The following IL34 variants were observed in gnomAD, a reference collection of about 807,000 sequenced individuals.
The protein encoded by IL34 is interleukin-34.
In IL34, 17 loss-of-function variants were observed where a neutral mutation model predicts 25.3. That is an observed-to-expected ratio of 0.67 (90% CI 0.46 to 1.01). The LOEUF is 1.01. Among genes scored for constraint, IL34 ranks in the 50% least tolerant of loss-of-function variants. IL34 has a pLI of 0.00. For synonymous variants in IL34, 174 were observed against 140.9 expected, an observed-to-expected ratio of 1.23 and a Z score of -1.66; for missense variants, 368 against 312.9, an observed-to-expected ratio of 1.18 and a Z score of -1.33.
chr16:70,640,961 G>A (rs950256113), intron 1 of IL34, among the ~76,000 whole-genome samples: 4 of 152,058 alleles, frequency 2.6e-5, no homozygotes, highest in African/African-American at 9.7e-5. Flanking sequence ...TATACTCCTA[G>A]GTATATACTC....
intron 1 of IL34, among the ~76,000 whole-genome samples, chr16:70,649,669 G>C (rs1270995484): frequency 6.6e-6 from 1 of 152,166 alleles, no homozygotes; most frequent in East Asian, 1.9e-4. Flanking sequence ...CCCGGGGCTG[G>C]GGGTGACAAG....
chr16:70,585,116 C>T (rs1261987151), intron 1 of IL34, among the ~76,000 whole-genome samples: 1 of 152,184 alleles, frequency 6.6e-6, no homozygotes, highest in African/African-American at 2.4e-5. Flanking sequence ...TCCCCATTTC[C>T]CTACCCCCAA....
chr16:70,605,968 G>GTT lies in IL34; in HGVS notation c.-401+25919_-401+25920insTT, dbSNP rs1483071432. ...ATTACAGGCGTGAGCCACCGCACCT[G>GTT]GTTTTTTTTTTTTTTTTTTTTTTTA... On this transcript the variant is annotated intron_variant, in intron 1 of 6. Transcript: ENST00000429149. Among the ~76,000 whole-genome samples the GTT allele has an allele frequency of 5.2e-3, 644 of 123,650 alleles. 4 individuals carry two copies. The highest frequency in any genetic ancestry group is 0.019 in the African/African-American group (553 of 28,670). 81.1% of individuals were successfully genotyped at this position (123,650 alleles called of 152,430 possible).
chr16:70,643,361 G>A (rs1245226200), upstream of IL34, among the ~76,000 whole-genome samples: 4 of 151,734 alleles, frequency 2.6e-5, no homozygotes, highest in East Asian at 1.9e-4. Context: ...ACTGCACCTG[G>A]CTGTTGCACA....
rs2052236109 is a variant in IL34 at position 70,656,812 on chromosome 16, G to A, written c.240+133G>A. On this transcript the variant is annotated intron_variant, in intron 3 of 5. Transcript: ENST00000288098. ...CTCTCCTCAGCCCCGAGAGCAGGCT[G>A]GCCCTTGGCCCAGGCACATGTTTGT... The A allele has an allele frequency of 2.9e-6, 3 of 1,030,994 alleles. No individual in the cohort carries two copies. In the African/African-American group the frequency reaches 4.7e-5, roughly 16 times the overall value. The allele number at this position is 1,030,994 out of a possible 1,614,324, so 63.9% of individuals were successfully genotyped here.
chr16:70,581,711 A>T (rs1208775448), intron 1 of IL34, among the ~76,000 whole-genome samples: 1 of 152,212 alleles, frequency 6.6e-6, no homozygotes, highest in Non-Finnish European at 1.5e-5. Context: ...GTTTGTATGC[A>T]GTAGCTGCCT....
chr16:70,586,234 T>C (rs1381048502), intron 1 of IL34, among the ~76,000 whole-genome samples: 1 of 152,156 alleles, frequency 6.6e-6, no homozygotes, highest in African/African-American at 2.4e-5. Context: ...GTTGCTTCCA[T>C]CTCTTAGCTA....
intron 1 of IL34, among the ~76,000 whole-genome samples, chr16:70,627,116 C>T (rs1181154319): frequency 1.3e-5 from 2 of 152,180 alleles, no homozygotes; most frequent in Non-Finnish European, 1.5e-5. Flanking sequence ...GCCTGAGCCA[C>T]TAAGCCTGGC....
intron 1 of IL34, among the ~76,000 whole-genome samples, chr16:70,600,375 C>T (rs978858539): frequency 1.3e-5 from 2 of 152,178 alleles, no homozygotes; most frequent in African/African-American, 4.8e-5. Flanking sequence ...AGATCATCAA[C>T]TACCCTATGA....
intron 1 of IL34, among the ~76,000 whole-genome samples, chr16:70,590,277 C>T (rs1246171435): frequency 6.6e-6 from 1 of 152,162 alleles, no homozygotes; most frequent in Non-Finnish European, 1.5e-5. Context: ...AAAAATCACT[C>T]CCACTAAGGG....
intron 1 of IL34, among the ~76,000 whole-genome samples, chr16:70,653,174 C>T (rs1186554546): frequency 6.6e-6 from 1 of 151,984 alleles, no homozygotes; most frequent in Non-Finnish European, 1.5e-5. Context: ...GATTGTGCCA[C>T]TGTACTCTAG....
chr16:70,612,973 G>A (rs1250201537), intron 1 of IL34, among the ~76,000 whole-genome samples: 7 of 152,090 alleles, frequency 4.6e-5, no homozygotes, highest in Non-Finnish European at 1.0e-4. Flanking sequence ...GGGCTTCACT[G>A]TGTTGGCCAG....
chr16:70,618,733 G>A (rs141442624), intron 1 of IL34, among the ~76,000 whole-genome samples: 3 of 152,116 alleles, frequency 2.0e-5, no homozygotes, highest in East Asian at 1.9e-4. Context: ...GAGATCAGTC[G>A]GACAGGGAGA....
At chr16:70,618,597 G>T (rs1409479022) in intron 1 of IL34, among the ~76,000 whole-genome samples, 2 of 152,216 alleles carry the variant, frequency 1.3e-5, no homozygotes, top group South Asian at 2.1e-4. Flanking sequence ...GGCTAAAACA[G>T]TAAGGTCAAG....
At chr16:70,586,632 G>A (rs1437126347) in intron 1 of IL34, among the ~76,000 whole-genome samples, 1 of 152,200 alleles carries the variant, frequency 6.6e-6, no homozygotes, top group Non-Finnish European at 1.5e-5. Flanking sequence ...CCCCTCCCGT[G>A]GTGAGGGGCA....
intron 1 of IL34, among the ~76,000 whole-genome samples, chr16:70,608,119 CTTTTTTCTT>C (rs2051036305): frequency 2.9e-5 from 2 of 68,758 alleles, no homozygotes; most frequent in South Asian, 5.9e-4. Flanking sequence ...GATTGATTTT[CTTTTTTCTT>C]TTTTTTTTTT....
intron 1 of IL34, among the ~76,000 whole-genome samples, chr16:70,600,176 C>T (rs1312901344): frequency 3.3e-5 from 5 of 152,150 alleles, no homozygotes; most frequent in Admixed American, 2.0e-4. Context: ...TGTCTTCTCT[C>T]GTTCCTATTT....
In IL34 at chr16:70,646,601, C is replaced by A; in HGVS notation, c.-347C>A. Reference sequence around the variant, plus strand: ...TCGGAGAAATCAGAGAAAGCGTCACCCAGCCCCAGATTCCGAGGGGCCTGC... The same window carrying A: ...TCGGAGAAATCAGAGAAAGCGTCACACAGCCCCAGATTCCGAGGGGCCTGC... On this transcript the variant is annotated 5_prime_UTR_variant, in exon 1 of 6. Coordinates refer to ENST00000288098, the MANE Select transcript of IL34 (RefSeq NM_001393494.1). The A allele has an allele frequency of 2.9e-6, 1 of 341,990 alleles. No individual in the cohort carries two copies. Among genetic ancestry groups the A allele is most frequent in the Admixed American group, 4.9e-5 (1 of 20,284 alleles). The allele number at this position is 341,990 out of a possible 1,614,324, so 21.2% of individuals were successfully genotyped here.
At chr16:70,580,587 C>T (rs990170216) in intron 1 of IL34, among the ~76,000 whole-genome samples, 1 of 152,088 alleles carries the variant, frequency 6.6e-6, no homozygotes, top group Non-Finnish European at 1.5e-5. Context: ...TTGAGACCAG[C>T]CTGGCCAACA....
Sources: allele counts gnomAD v4.1 joint callset (sites outside exome capture counted in the v4.1 genomes callset), GRCh38; gene constraint gnomAD v4.1.1; transcripts MANE v1.5; gene names NCBI Gene and HGNC (gene_info 2026-07-23, HGNC 2026-07-21).